Variants in GUCY2C observed in about 807,000 individuals in gnomAD.
GUCY2C encodes guanylyl cyclase C.
Under a neutral mutation model 131.1 loss-of-function variants are expected in GUCY2C, and 118 were observed. The ratio of observed to expected loss-of-function variants is 0.90; its 90% confidence interval spans 0.78 to 1.05. The LOEUF (loss-of-function observed/expected upper bound fraction) is 1.05, where lower values mean the gene tolerates loss of function less well. Ranked by LOEUF, GUCY2C falls within the 50% of genes least tolerant of loss-of-function variation. The pLI is 0.00. For missense variants in GUCY2C, 1,161 were observed against 1,304.4 expected (o/e 0.89, Z 1.69); for synonymous variants, 452 against 457.8 (o/e 0.99, Z 0.16).
At chr12:14,688,093 C>A (rs1445923338) in intron 1 of GUCY2C, 30 bp from the exon 2 acceptor site, 2 of 1,290,812 alleles carry the variant, frequency 1.5e-6, no homozygotes, top group African/African-American at 2.9e-5. Flanking sequence ...GAAAATAGAA[C>A]ACTAGTGTTA....
rs1592080034 is a variant in GUCY2C at position 14,623,783 on chromosome 12, C to A, written c.2409-1586G>T. Among the ~76,000 whole-genome samples the A allele has an allele frequency of 3.3e-5, 5 of 152,206 alleles. 1 individual carries two copies. The highest frequency in any genetic ancestry group is 3.3e-4 in the Admixed American group (5 of 15,292). ...AGTTGTTTGAACGTGTGTGGCACCT[C>A]CCCCTTTGCTCTCTCTCTCTCTTCC... On this transcript the variant is annotated intron_variant, in intron 21 of 26. Coordinates refer to ENST00000261170, the MANE Select transcript of GUCY2C (RefSeq NM_004963.4).
chr12:14,615,868 C>G (rs1222693396), intron 25 of GUCY2C, among the ~76,000 whole-genome samples: 1 of 152,094 alleles, frequency 6.6e-6, no homozygotes, highest in East Asian at 1.9e-4. Flanking sequence ...AGCATTATGG[C>G]TACCGGAGAC....
At chr12:14,662,169 T>C (rs1947880955) in intron 10 of GUCY2C, among the ~76,000 whole-genome samples, 1 of 151,830 alleles carries the variant, frequency 6.6e-6, no homozygotes, top group African/African-American at 2.4e-5. Flanking sequence ...AGCTGGGAAG[T>C]GATAGGAGTA....
At chr12:14,620,932 TA>T in intron 23 of GUCY2C, 109 bp downstream of exon 23, 2 of 834,570 alleles carry the variant, frequency 2.4e-6, no homozygotes, top group Non-Finnish European at 3.7e-6. Flanking sequence ...GAATTAAGAG[TA>T]AAAATTATGT....
At chr12:14,674,308 C>A in intron 8 of GUCY2C, 3 of 361,052 alleles carry the variant, frequency 8.3e-6, no homozygotes, top group South Asian at 2.8e-5. Context: ...AATGTTTATC[C>A]TCTTGTTAGT....
chr12:14,696,322 C>G lies in GUCY2C; in HGVS notation c.127G>C (p.Gly43Arg), dbSNP rs1948654427. Residue 43 changes from glycine to arginine, a missense_variant, in exon 1 of 27, where the codon GGC (glycine) becomes CGC (arginine). Physicochemically the swap from Gly to Arg is moderately radical, Grantham distance 125. Transcript: ENST00000261170. ...GSYEISVLMM[G>R]NSAFAEPLKN... The stretch of plus-strand genomic sequence containing the variant: ...AGGGGCTCTGCAAAGGCTGAGTTGC[C>G]CATCATCAGGACGCTGATTTCATAG... The G allele has an allele frequency of 6.2e-6, 10 of 1,614,154 alleles. No individual in the cohort carries two copies. Among genetic ancestry groups the G allele is most frequent in the Non-Finnish European group, 8.5e-6 (10 of 1,180,020 alleles).
intron 21 of GUCY2C, among the ~76,000 whole-genome samples, chr12:14,624,267 C>G (rs1218243890): frequency 1.3e-5 from 2 of 151,962 alleles, no homozygotes; most frequent in African/African-American, 4.8e-5. Context: ...ATGGTGAAAC[C>G]CCCTCTCTAC....
chr12:14,632,002 T>C (rs1462961700), intron 19 of GUCY2C, among the ~76,000 whole-genome samples: 2 of 152,008 alleles, frequency 1.3e-5, no homozygotes, highest in Admixed American at 1.3e-4. Context: ...CATTTTTTCA[T>C]GTGTTTTTTG....
At chr12:14,651,934 A>G (rs777287118) in intron 14 of GUCY2C, 25 bp downstream of exon 14, 18 of 1,292,538 alleles carry the variant, frequency 1.4e-5, no homozygotes, top group Non-Finnish European at 1.9e-5. Context: ...TTATTTCTCA[A>G]GGGTTTGAAG....
At chr12:14,620,440 C>A (rs982012851) in intron 23 of GUCY2C, among the ~76,000 whole-genome samples, 7 of 152,176 alleles carry the variant, frequency 4.6e-5, no homozygotes, top group Non-Finnish European at 1.0e-4. Flanking sequence ...TGAACCTCTT[C>A]TGGTTTTAAG....
chr12:14,640,036 ACTCC>A, intron 18 of GUCY2C, 86 bp from the exon 19 acceptor site: 2 of 888,660 alleles, frequency 2.3e-6, no homozygotes, highest in Non-Finnish European at 3.7e-6. Context: ...CAGTTGATTC[ACTCC>A]CCTGGATGGC....
chr12:14,655,856 G>A (rs1947752330), intron 12 of GUCY2C, among the ~76,000 whole-genome samples: 1 of 152,158 alleles, frequency 6.6e-6, no homozygotes, highest in Non-Finnish European at 1.5e-5. Context: ...TGCATGTGGT[G>A]CATTATAAGT....
intron 21 of GUCY2C, among the ~76,000 whole-genome samples, chr12:14,622,901 A>AACCAG (rs1946924114): frequency 6.6e-6 from 1 of 152,166 alleles, no homozygotes; most frequent in African/African-American, 2.4e-5. Context: ...GAAGGAAGAG[A>AACCAG]ACCAGAAGAA....
intron 1 of GUCY2C, among the ~76,000 whole-genome samples, chr12:14,695,888 G>A (rs1380161787): frequency 1.3e-5 from 2 of 152,054 alleles, no homozygotes; most frequent in African/African-American, 4.8e-5. Context: ...GAACTCCCGG[G>A]CTCAGTGTCC....
Position 14,651,395 on chromosome 12 carries a change from A to G in GUCY2C, c.1710+12T>C, listed in dbSNP as rs771587035. The G allele has an allele frequency of 3.2e-6, 4 of 1,245,112 alleles. No homozygotes were observed. In the East Asian group the frequency reaches 6.9e-5, roughly 22 times the overall value. The allele number at this position is 1,245,112 out of a possible 1,614,324, so 77.1% of individuals were successfully genotyped here. On this transcript the variant is annotated intron_variant, in intron 15 of 26. Coordinates refer to ENST00000261170, the MANE Select transcript of GUCY2C (RefSeq NM_004963.4). ...TATGATTAGAAAATTGGAAATGACC[A>G]TGGTTTCTTACCCGGAGGGATCCTC... is the stretch of plus-strand genomic sequence containing the variant.
chr12:14,641,437 T>C (rs1053223351), intron 17 of GUCY2C, among the ~76,000 whole-genome samples: 1 of 152,152 alleles, frequency 6.6e-6, no homozygotes, highest in East Asian at 1.9e-4. Flanking sequence ...AACTATGAAA[T>C]GTTAGGATTT....
chr12:14,657,225 C>T (rs937759778), intron 11 of GUCY2C, among the ~76,000 whole-genome samples: 1 of 151,956 alleles, frequency 6.6e-6, no homozygotes, highest in Non-Finnish European at 1.5e-5. Flanking sequence ...AAACTGATGA[C>T]ATAGAAGGAG....
At chr12:14,625,985 G>A in intron 20 of GUCY2C, 70 bp from the exon 21 acceptor site, 1 of 873,344 alleles carries the variant, frequency 1.1e-6, no homozygotes, top group Non-Finnish European at 1.8e-6. Flanking sequence ...TAAAACAATG[G>A]ACAAATATGA....
intron 24 of GUCY2C, 48 bp from the exon 25 acceptor site, chr12:14,616,775 A>G (rs766421059): frequency 9.7e-7 from 1 of 1,030,218 alleles, no homozygotes; most frequent in Non-Finnish European, 1.5e-6. Flanking sequence ...TACACAGCCT[A>G]TTTGTTTCCC....
Sources: gnomAD v4.1 joint callset for allele counts (sites outside exome capture counted in the v4.1 genomes callset) on GRCh38, gnomAD v4.1.1 for gene constraint, MANE v1.5 for transcripts, NCBI Gene and HGNC (gene_info 2026-07-23, HGNC 2026-07-21) for gene names.